C2: variants seen among roughly 807,000 people sequenced by gnomAD.
C2 encodes the protein C3/C5 convertase.
Under a neutral mutation model 85.2 loss-of-function variants are expected in C2, and 64 were observed. That is an observed-to-expected ratio of 0.75 (90% CI 0.61 to 0.92). The LOEUF (loss-of-function observed/expected upper bound fraction) is 0.92, where lower values mean the gene tolerates loss of function less well. C2 is among the 40% of genes least tolerant of loss of function. The probability of loss-of-function intolerance (pLI) is 0.00; values close to 1 mark genes in which losing one functional copy is unlikely to be tolerated. For synonymous variants in C2, 311 were observed against 370.8 expected (o/e 0.84, Z 1.85); for missense variants, 820 against 971.6 (o/e 0.84, Z 2.07).
intron 1 of C2, among the ~76,000 whole-genome samples, chr6:31,913,773 T>A (rs1203337369): frequency 6.6e-6 from 1 of 151,864 alleles, no homozygotes. Context: ...CAGGCTCCCG[T>A]GTAGCTGGGA....
upstream of C2, among the ~76,000 whole-genome samples, chr6:31,918,727 A>C (rs1227645827): frequency 6.6e-6 from 1 of 151,866 alleles, no homozygotes; most frequent in Non-Finnish European, 1.5e-5. Context: ...GTGAAACCCC[A>C]TCTCTACTAA....
At chr6:31,933,495 TG>T in intron 3 of C2, 114 bp from the exon 4 acceptor site, 1 of 1,038,914 alleles carries the variant, frequency 9.6e-7, no homozygotes, top group Non-Finnish European at 1.4e-6. Flanking sequence ...GGGACAGACA[TG>T]GGTGCATCCC....
rs757959803 is a variant in C2 at position 31,944,728 on chromosome 6, G to A, written c.1904G>A (p.Trp635Ter). The A allele has an allele frequency of 6.2e-7, 1 of 1,613,078 alleles. No individual in the cohort carries two copies. ...LNINLKMGVE[W>*]TSCAEVVSQE... is the part of the protein sequence containing the mutation. ...TCTCTGGTTCCACCCCTGCTGCAGT[G>A]GACAAGCTGTGCCGAGGTTGTCTCC... is the stretch of plus-strand genomic sequence containing the variant. The change falls in exon 16 of 18, where the codon TGG (tryptophan) becomes TAG (stop). Residue 635 changes from tryptophan to a stop codon, truncating the protein, a stop_gained and splice_region_variant. Transcript: ENST00000299367. LOFTEE classifies it high-confidence loss of function. This position sits in a 1 kb window ranked among gnomAD's most constrained non-coding sequence, Gnocchi z 5.1.
Position 31,944,964 on chromosome 6 carries a change from C to T in C2, c.2030-16C>T, listed in dbSNP as rs750960528. ...TGCCCTAGATGACACTGTCTCCTGT[C>T]ACCCTTTGCTGGCAGGAGAATCTGG... On this transcript the variant is annotated splice_polypyrimidine_tract_variant and intron_variant, in intron 16 of 17. Coordinates refer to ENST00000299367, the MANE Select transcript of C2 (RefSeq NM_000063.6). The surrounding 1 kb of genome is among the most constrained non-coding windows in gnomAD (Gnocchi z 5.1). 39 of 1,613,006 alleles carry T rather than the reference C, an allele frequency of 2.4e-5. No homozygotes were observed. The African/African-American group carries it at 3.6e-4, about 15-fold the overall frequency.
At position 31,945,328 on chromosome 6, in the gene C2, G is replaced by A; in HGVS notation, c.2230G>A (p.Gly744Arg). ...RMQPWLRQHL[G>R]DVLNFLPL is the part of the protein sequence containing the mutation. ...GCAGCCCTGGCTGAGGCAGCACCTG[G>A]GGGATGTCCTGAATTTTTTACCCCT... Residue 744 changes from glycine to arginine, a missense_variant, in exon 18 of 18, where the codon GGG (glycine) becomes AGG (arginine). Transcript: ENST00000299367. This position sits in a 1 kb window ranked among gnomAD's most constrained non-coding sequence, Gnocchi z 5.3. The A allele has an allele frequency of 1.2e-6, 2 of 1,612,954 alleles. No homozygotes were observed. The highest frequency in any genetic ancestry group is 1.7e-6 in the Non-Finnish European group (2 of 1,180,002).
chr6:31,915,074 C>A (rs570769335), upstream of C2, among the ~76,000 whole-genome samples: 1 of 152,180 alleles, frequency 6.6e-6, no homozygotes, highest in African/African-American at 2.4e-5. Context: ...TTGCTTTTAG[C>A]CCCTGTTGTC....
chr6:31,918,196 G>A (rs1026781514), upstream of C2, among the ~76,000 whole-genome samples: 1 of 151,836 alleles, frequency 6.6e-6, no homozygotes, highest in African/African-American at 2.4e-5. Context: ...GAGGTGGGAG[G>A]ATTGTGGAAG....
chr6:31,945,169 T>C lies in C2; in HGVS notation c.2080-9T>C. 6.2e-7 allele frequency: 1 copy of C among 1,612,856 alleles called. No individual in the cohort carries two copies. The highest frequency in any genetic ancestry group is 8.5e-7 in the Non-Finnish European group (1 of 1,179,948). On this transcript the variant is annotated splice_polypyrimidine_tract_variant and intron_variant, in intron 17 of 17. Transcript: ENST00000299367. The surrounding 1 kb of genome is among the most constrained non-coding windows in gnomAD (Gnocchi z 5.3). ...GCAGCCTCCCAGCCAGTTCTCTCCT[T>C]TTCTCCAGGTGGGTCTGGTGAGCTG...
chr6:31,906,645 A>G (rs1767731983), intron 1 of C2, among the ~76,000 whole-genome samples: 4 of 151,564 alleles, frequency 2.6e-5, no homozygotes, highest in African/African-American at 7.3e-5. Flanking sequence ...CTGCTACCCT[A>G]TGTCATCCTT....
intron 1 of C2, among the ~76,000 whole-genome samples, chr6:31,909,794 C>A (rs1387300295): frequency 6.6e-6 from 1 of 152,016 alleles, no homozygotes; most frequent in African/African-American, 2.4e-5. Flanking sequence ...ACAGCAGCTG[C>A]ACCATTTTAT....
intron 9 of C2, among the ~76,000 whole-genome samples, chr6:31,939,695 C>T (rs1259217359): frequency 6.6e-6 from 1 of 151,960 alleles, no homozygotes; most frequent in Admixed American, 6.6e-5. Flanking sequence ...TCAAGTGATC[C>T]CCTCAACTCA....
intron 9 of C2, among the ~76,000 whole-genome samples, chr6:31,939,810 C>T (rs1056272565): frequency 1.3e-5 from 2 of 151,896 alleles, no homozygotes; most frequent in Admixed American, 6.6e-5. Context: ...AGAATCTTGC[C>T]GTGTTGCCCA....
chr6:31,913,162 A>G (rs867913799), intron 1 of C2, among the ~76,000 whole-genome samples: 1 of 152,128 alleles, frequency 6.6e-6, no homozygotes, highest in Non-Finnish European at 1.5e-5. Flanking sequence ...TCCAGGCTGA[A>G]CTTGAACTCC....
chr6:31,943,091 A>G lies in C2; in HGVS notation c.1352A>G (p.His451Arg), dbSNP rs775466238. ...AAGGCTCTGCACCAGGTCTTTGAAC[A>G]TATGCTGGGTGAGTGAGCTTTGCCC... The part of the protein sequence containing the change: ...DTKALHQVFE[H>R]MLDVSKLTDT... The change falls in exon 10 of 18, where the codon CAT becomes CGT. Residue 451 changes from histidine to arginine, a missense_variant. His to Arg is a conservative substitution (Grantham distance 29). Coordinates refer to ENST00000299367, the MANE Select transcript of C2 (RefSeq NM_000063.6). This position sits in a 1 kb window ranked among gnomAD's most constrained non-coding sequence, Gnocchi z 6.4. 24 of 1,613,006 alleles carry G rather than the reference A, an allele frequency of 1.5e-5. No individual in the cohort carries two copies. The African/African-American group carries it at 2.5e-4, about 17-fold the overall frequency.
Position 31,944,678 on chromosome 6 carries a change from C to T in C2, c.1903-49C>T, listed in dbSNP as rs1056825373. The T allele has an allele frequency of 2.5e-6, 4 of 1,611,220 alleles. No individual in the cohort carries two copies. The highest frequency in any genetic ancestry group is 3.4e-6 in the Non-Finnish European group (4 of 1,179,132). Reference sequence around the variant, plus strand: ...TTACAGGCGTGAGCCACTGCACCCACCCGGGTCTGCTTATTCTACCCTTCT... The same window carrying T: ...TTACAGGCGTGAGCCACTGCACCCATCCGGGTCTGCTTATTCTACCCTTCT... On this transcript the variant is annotated intron_variant, in intron 15 of 17. Transcript: ENST00000299367. The surrounding 1 kb of genome is among the most constrained non-coding windows in gnomAD (Gnocchi z 5.1).
chr6:31,933,616 A>G lies in C2; in HGVS notation c.449A>G (p.His150Arg), dbSNP rs1174145719. ...ETAVCDNGAG[H>R]CPNPGISLGA... The stretch of plus-strand genomic sequence containing the variant: ...TTCCTTTGTTCACTCGCAGCTGGCC[A>G]CTGCCCCAACCCAGGCATTTCACTG... Residue 150 changes from histidine to arginine, a missense_variant, in exon 4 of 18, where the codon CAC becomes CGC. Transcript: ENST00000299367. 13 of 1,612,928 alleles carry G rather than the reference A, an allele frequency of 8.1e-6. No homozygotes were observed. The highest frequency in any genetic ancestry group is 1.1e-5 in the Non-Finnish European group (13 of 1,180,046).
upstream of C2, chr6:31,927,505 G>C: frequency 2.1e-6 from 3 of 1,434,640 alleles, no homozygotes; most frequent in Non-Finnish European, 1.8e-6. The surrounding 1 kb of genome is among the most constrained non-coding windows in gnomAD (Gnocchi z 4.7). Flanking sequence ...CAAAGCCTGT[G>C]GGGGAGATCT....
chr6:31,899,794 G>A (rs191133333), upstream of C2: 5 of 883,646 alleles, frequency 5.7e-6, no homozygotes, highest in Admixed American at 2.6e-5. Context: ...CTCTCAGGAT[G>A]TGTGCATCTG....
At chr6:31,927,647 C>T (rs560140167), upstream of C2, 4 of 1,607,724 alleles carry the variant, frequency 2.5e-6, no homozygotes, top group Non-Finnish European at 3.4e-6. The surrounding 1 kb of genome is among the most constrained non-coding windows in gnomAD (Gnocchi z 4.7). Flanking sequence ...TTTTTCTTCT[C>T]TGGCAGCAAT....
Sources: allele counts gnomAD v4.1 joint callset (sites outside exome capture counted in the v4.1 genomes callset), GRCh38; gene constraint gnomAD v4.1.1; non-coding constraint Gnocchi (gnomAD v3.1); transcripts MANE v1.5; gene names NCBI Gene and HGNC (gene_info 2026-07-23, HGNC 2026-07-21).